FBXL16: variants seen among roughly 807,000 people sequenced by gnomAD.
The protein encoded by FBXL16 is F-box and leucine rich repeat protein 16.
FBXL16 carries 7 observed loss-of-function variants against 36.7 expected under a neutral mutation model. That is an observed-to-expected ratio of 0.19 (90% CI 0.11 to 0.36). FBXL16 has a LOEUF of 0.36. FBXL16 is among the 10% of genes least tolerant of loss of function. The pLI is 1.00. For missense variants in FBXL16, 463 were observed against 659.4 expected (o/e 0.70, Z 3.26); for synonymous variants, 355 against 308.7 (o/e 1.15, Z -1.57).
At position 697,198 on chromosome 16, in the gene FBXL16, C is replaced by A; in HGVS notation, c.208G>T (p.Ala70Ser). 1 of 1,502,064 alleles carries A rather than the reference C, an allele frequency of 6.7e-7. No homozygotes were observed. The highest frequency in any genetic ancestry group is 8.9e-7 in the Non-Finnish European group (1 of 1,128,702). 93.0% of individuals were successfully genotyped at this position (1,502,064 alleles called of 1,614,324 possible). A position where few individuals can be genotyped will look rare whatever the true frequency, so the allele number is the denominator to read the frequency against. ...CCTGCCGGGGTGCACGGGCCCCCAG[C>A]CAGGGCAGCCCGGGACAGTGGAGCA... ...LAAPLSRAAL[A>S]GGPCTPAGGP... The change falls in exon 2 of 6, where the codon GCT becomes TCT. Residue 70 changes from alanine to serine, a missense_variant. By Grantham distance (99) the Ala-to-Ser change is moderately conservative. This residue lies in a region of FBXL16 where 263 missense variants were observed against 341.1 expected (regional missense o/e 0.77). Transcript: ENST00000397621. This position sits in a 1 kb window ranked among gnomAD's most constrained non-coding sequence, Gnocchi z 4.6.
In FBXL16 at chr16:692,692, A is replaced by G. The variant is rs2039979851; in HGVS notation, c.*1583T>C. On this transcript the variant is annotated 3_prime_UTR_variant, in exon 6 of 6. Transcript: ENST00000397621. ...CTCTCCCCTTAATTTTTCCTCCTAC[A>G]GTCGTTGGAAATATCACAGCTTCAG... The G allele has an allele frequency of 1.3e-5, 2 of 152,462 alleles. No homozygotes were observed. Among genetic ancestry groups the G allele is most frequent in the Admixed American group, 1.3e-4 (2 of 15,278 alleles). 9.4% of individuals were successfully genotyped at this position (152,462 alleles called of 1,614,324 possible).
chr16:700,647 G>C (rs2040048840), intron 1 of FBXL16, among the ~76,000 whole-genome samples: 1 of 151,952 alleles, frequency 6.6e-6, no homozygotes, highest in African/African-American at 2.4e-5. Flanking sequence ...GGCAGCACCA[G>C]GCCCACGGGC....
Position 694,273 on chromosome 16 carries a change from C to T in FBXL16, c.*2G>A, listed in dbSNP as rs367614744. 23 of 1,391,274 alleles carry T rather than the reference C, an allele frequency of 1.7e-5. No homozygotes were observed. In the African/African-American group the frequency reaches 2.7e-4, roughly 16 times the overall value. The allele number at this position is 1,391,274 out of a possible 1,614,324, so 86.2% of individuals were successfully genotyped here. A position where few individuals can be genotyped will look rare whatever the true frequency, so the allele number is the denominator to read the frequency against. ...TCCCGCGACCGGGGCGGGGGCCTCG[C>T]GCTACTCAATGACGAGGCAGCGGGG... On this transcript the variant is annotated 3_prime_UTR_variant, in exon 6 of 6. Transcript: ENST00000397621.
intron 1 of FBXL16, among the ~76,000 whole-genome samples, chr16:705,193 C>G (rs1408212783): frequency 2.0e-5 from 3 of 152,188 alleles, no homozygotes. Flanking sequence ...ACCAGGCGCC[C>G]GGGGTGGAGG....
In FBXL16 at chr16:696,063, A is replaced by G; in HGVS notation, c.634-140T>C. On this transcript the variant is annotated intron_variant, in intron 2 of 5. Coordinates refer to ENST00000397621, the MANE Select transcript of FBXL16 (RefSeq NM_153350.4). ...TGTGAGGAGGCGGGGCATCGGGACGAGAGCCCAGGGCCTGGCCAGGGCAGG... is the reference window on the plus strand; with the variant it reads ...TGTGAGGAGGCGGGGCATCGGGACGGGAGCCCAGGGCCTGGCCAGGGCAGG... The G allele has an allele frequency of 1.6e-6, 2 of 1,287,454 alleles. 1 individual carries two copies. Among genetic ancestry groups the G allele is most frequent in the Non-Finnish European group, 2.1e-6 (2 of 968,722 alleles). 79.8% of individuals were successfully genotyped at this position (1,287,454 alleles called of 1,614,324 possible).
intron 1 of FBXL16, among the ~76,000 whole-genome samples, chr16:699,855 A>G (rs2040043001): frequency 6.6e-6 from 1 of 152,108 alleles, no homozygotes; most frequent in Non-Finnish European, 1.5e-5. Context: ...GAAGATTCCA[A>G]CGCTTGGGGT....
intron 4 of FBXL16, 141 bp from the exon 5 acceptor site, chr16:694,838 C>A: frequency 1.6e-6 from 2 of 1,259,108 alleles, no homozygotes; most frequent in South Asian, 1.4e-5. Context: ...GGGAAGTGCT[C>A]GTGGGGGCCG....
intron 1 of FBXL16, among the ~76,000 whole-genome samples, chr16:703,268 C>T (rs1441695992): frequency 6.6e-6 from 1 of 152,196 alleles, no homozygotes. Context: ...ACACCGCGTG[C>T]CCACCCCTGG....
chr16:700,943 G>A (rs915817076), intron 1 of FBXL16, among the ~76,000 whole-genome samples: 2 of 152,212 alleles, frequency 1.3e-5, no homozygotes, highest in South Asian at 4.1e-4. Flanking sequence ...GAGTGGGGGA[G>A]AAGCCGGGAA....
At chr16:695,264 C>T in intron 3 of FBXL16, 151 bp downstream of exon 3, 1 of 1,179,454 alleles carries the variant, frequency 8.5e-7, no homozygotes, top group Non-Finnish European at 1.1e-6. Context: ...CTGCGGTTCC[C>T]ACTCCCCAGG....
intron 1 of FBXL16, among the ~76,000 whole-genome samples, chr16:698,649 G>A (rs2040032725): frequency 6.6e-6 from 1 of 152,200 alleles, no homozygotes; most frequent in African/African-American, 2.4e-5. Context: ...GGGTGCAGTG[G>A]CTGATGCCTG....
At chr16:694,818 GGA>G in intron 4 of FBXL16, 121 bp from the exon 5 acceptor site, 9 of 1,310,434 alleles carry the variant, frequency 6.9e-6, no homozygotes, top group Non-Finnish European at 8.5e-6. Context: ...CCCGGAGCCG[GGA>G]GGCGGCTGGG....
intron 1 of FBXL16, among the ~76,000 whole-genome samples, chr16:701,242 C>A (rs866097773): frequency 6.6e-6 from 1 of 152,166 alleles, no homozygotes; most frequent in Admixed American, 6.5e-5. Context: ...GGTATGGGTC[C>A]GGGGCCTGGC....
chr16:698,243 T>C (rs2040029855), intron 1 of FBXL16, among the ~76,000 whole-genome samples: 1 of 152,078 alleles, frequency 6.6e-6, no homozygotes, highest in African/African-American at 2.4e-5. Flanking sequence ...CCTCAAGTGA[T>C]CCACCCGCCT....
intron 1 of FBXL16, among the ~76,000 whole-genome samples, chr16:702,676 CG>C (rs1567300129): frequency 6.6e-6 from 1 of 152,206 alleles, no homozygotes; most frequent in Non-Finnish European, 1.5e-5. Context: ...GAAATTAACC[CG>C]GATCGTGCCA....
Position 696,956 on chromosome 16 carries a change from C to A in FBXL16, c.450G>T (p.Leu150=). 6.2e-7 allele frequency: 1 copy of A among 1,603,222 alleles called. No homozygotes were observed. Residue 150 remains leucine, a synonymous_variant, in exon 2 of 6, where the codon CTG becomes CTT. Coordinates refer to ENST00000397621, the MANE Select transcript of FBXL16 (RefSeq NM_153350.4). The part of the protein sequence containing the change: ...VLHAKELYNV[L]PGGEKEFVNL... ...TCACGAACTCCTTCTCGCCACCAGG[C>A]AGCACGTTGTAGAGCTCCTTGGCAT...
chr16:695,833 C>G lies in FBXL16; in HGVS notation c.724G>C (p.Ala242Pro). Residue 242 changes from alanine to proline, a missense_variant, in exon 3 of 6, where the codon GCG becomes CCG. Transcript: ENST00000397621. ...TEAGLWSSLS[A>P]RITSLSVSDC... ...CTCACGCTCAGCGAGGTGATGCGCG[C>G]GCTCAGGCTGGACCACAGCCCGGCC... The G allele has an allele frequency of 6.2e-7, 1 of 1,609,060 alleles. No homozygotes were observed. Among genetic ancestry groups the G allele is most frequent in the South Asian group, 1.1e-5 (1 of 91,034 alleles).
intron 1 of FBXL16, among the ~76,000 whole-genome samples, 195 bp downstream of exon 1, chr16:705,309 CGCGGGGCT>C (rs2040084945): frequency 6.6e-6 from 1 of 151,466 alleles, no homozygotes; most frequent in Non-Finnish European, 1.5e-5. Flanking sequence ...GGGGCCGGGG[CGCGGGGCT>C]GCGGGAAGGC....
chr16:701,934 C>T (rs1433714175), intron 1 of FBXL16, among the ~76,000 whole-genome samples: 2 of 152,202 alleles, frequency 1.3e-5, no homozygotes, highest in Non-Finnish European at 2.9e-5. Context: ...GCTGTCTTGT[C>T]CTCAGCAGCC....
Sources: allele counts gnomAD v4.1 joint callset (sites outside exome capture counted in the v4.1 genomes callset), GRCh38; gene constraint gnomAD v4.1.1; regional missense constraint gnomAD v4.1.1; non-coding constraint Gnocchi (gnomAD v3.1); transcripts MANE v1.5; gene names NCBI Gene and HGNC (gene_info 2026-07-23, HGNC 2026-07-21).